The following SSX2IP variants were observed in gnomAD, a reference collection of about 807,000 sequenced individuals.
SSX2IP encodes the protein afadin- and alpha-actinin-binding protein.
SSX2IP carries 55 observed loss-of-function variants against 84.9 expected under a neutral mutation model. That is an observed-to-expected ratio of 0.65 (90% CI 0.52 to 0.81). SSX2IP has a LOEUF of 0.81. Among genes scored for constraint, SSX2IP ranks in the 30% least tolerant of loss-of-function variants. SSX2IP has a pLI of 0.00. For synonymous variants in SSX2IP, 239 were observed against 234.7 expected, an observed-to-expected ratio of 1.02 and a Z score of -0.17; for missense variants, 664 against 705.2, an observed-to-expected ratio of 0.94 and a Z score of 0.66.
At chr1:84,665,993 A>G in intron 5 of SSX2IP, 129 bp downstream of exon 5, 1 of 686,528 alleles carries the variant, frequency 1.5e-6, no homozygotes, top group Non-Finnish European at 2.4e-6. Context: ...AAGGTCCACC[A>G]TATCAATTTG....
Position 84,658,393 on chromosome 1 carries a change from TCA to T in SSX2IP, c.1001_1002del (p.Val334GlufsTer23), listed in dbSNP as rs1340473899. ...CTGATGCTGTTTGTAAGCTGCTCTCTCACAGTTTCACAGGAAAGGTCCCACAT... is the reference window on the plus strand; with the variant it reads ...CTGATGCTGTTTGTAAGCTGCTCTCTCAGTTTCACAGGAAAGGTCCCACAT... ...ESMWDLSCET[V>X]REQLTNSIRK... On this transcript the variant is annotated frameshift_variant, in exon 9 of 14. Transcript: ENST00000342203. LOFTEE classifies it high-confidence loss of function. 7 of 1,614,044 alleles carry T rather than the reference TCA, an allele frequency of 4.3e-6. No homozygotes were observed. The highest frequency in any genetic ancestry group is 3.3e-5 in the Admixed American group (2 of 60,006).
At position 84,665,408 on chromosome 1, in the gene SSX2IP, C is replaced by T. The variant is rs528632628; in HGVS notation, c.537+714G>A. ...CAGGGCGCTTTAAAGAAATACACTC[C>T]TCAGAAGTCTTTAATTGTAGTTAAA... On this transcript the variant is annotated intron_variant, in intron 5 of 13. Transcript: ENST00000342203. Among the ~76,000 whole-genome samples, 12 of 152,176 alleles carry T rather than the reference C, an allele frequency of 7.9e-5. No homozygotes were observed. The South Asian group carries it at 2.3e-3, about 29-fold the overall frequency.
In SSX2IP at chr1:84,662,215, C is replaced by T; in HGVS notation, c.910G>A (p.Asp304Asn). 6.3e-7 allele frequency: 1 copy of T among 1,594,992 alleles called. No homozygotes were observed. Among genetic ancestry groups the T allele is most frequent in the Non-Finnish European group, 8.5e-7 (1 of 1,173,140 alleles). ...PQKKKPRERV[D>N]DSTGTVISDV... is the part of the protein sequence containing the mutation. ...CCACTTACAGTTCCTGTACTATCAT[C>T]TACTCTTTCTCTAGGTTTCTTCTTT... The change falls in exon 8 of 14, where the codon GAT (aspartate) becomes AAT (asparagine). Residue 304 changes from aspartate (D) to asparagine (N), a missense_variant. By Grantham distance (23) the Asp-to-Asn change is conservative. Transcript: ENST00000342203.
chr1:84,664,377 G>A lies in SSX2IP; in HGVS notation c.673+40C>T, dbSNP rs747577203. The A allele has an allele frequency of 1.9e-5, 29 of 1,527,868 alleles. 3 individuals carry two copies. The South Asian group carries it at 3.7e-4, about 20-fold the overall frequency. 94.6% of individuals were successfully genotyped at this position (1,527,868 alleles called of 1,614,324 possible). On this transcript the variant is annotated intron_variant, in intron 6 of 13. Coordinates refer to ENST00000342203, the MANE Select transcript of SSX2IP (RefSeq NM_001166293.2). ...ACAATTATTTCTAAGCATAGTATTA[G>A]CTTATTTATTCTCTTAGCTGATCTT...
chr1:84,683,774 C>G (rs1024677187), intron 1 of SSX2IP, among the ~76,000 whole-genome samples: 1 of 152,116 alleles, frequency 6.6e-6, no homozygotes, highest in African/African-American at 2.4e-5. Context: ...GGGCTTTCAA[C>G]GTAATCTTGA....
chr1:84,652,908 T>A (rs1190536255), intron 11 of SSX2IP, among the ~76,000 whole-genome samples: 4 of 151,742 alleles, frequency 2.6e-5, no homozygotes, highest in African/African-American at 9.7e-5. Flanking sequence ...GGCGGGTGCC[T>A]GTAGTCCCAG....
chr1:84,656,377 T>C lies in SSX2IP; in HGVS notation c.1186A>G (p.Met396Val). The part of the protein sequence containing the change: ...LELEIQQCKE[M>V]IKTQQQLLQQ... ...AAAAGCTGTTGCTGAGTTTTAATCATTTCTTTACACTGCTGAATTTCTAAC... is the reference window on the plus strand; with the variant it reads ...AAAAGCTGTTGCTGAGTTTTAATCACTTCTTTACACTGCTGAATTTCTAAC... Residue 396 changes from methionine to valine, a missense_variant, in exon 10 of 14, where the codon ATG becomes GTG. Coordinates refer to ENST00000342203, the MANE Select transcript of SSX2IP (RefSeq NM_001166293.2). 6.2e-7 allele frequency: 1 copy of C among 1,612,810 alleles called. No individual in the cohort carries two copies. The highest frequency in any genetic ancestry group is 8.5e-7 in the Non-Finnish European group (1 of 1,179,628).
chr1:84,644,668 C>A lies in SSX2IP; in HGVS notation c.*2765G>T, dbSNP rs1649269125. 6.6e-6 allele frequency: 1 copy of A among 152,206 alleles called. No individual in the cohort carries two copies. The highest frequency in any genetic ancestry group is 6.5e-5 in the Admixed American group (1 of 15,284). The allele number at this position is 152,206 out of a possible 1,614,324, so 9.4% of individuals were successfully genotyped here. On this transcript the variant is annotated 3_prime_UTR_variant, in exon 14 of 14. Coordinates refer to ENST00000342203, the MANE Select transcript of SSX2IP (RefSeq NM_001166293.2). ...TCTCTCCTGGAGTCCCAAGGGCTTT[C>A]AAATGTTCCACCAGGGGCAGTCAAG... is the stretch of plus-strand genomic sequence containing the variant.
chr1:84,662,037 AG>A (rs1215628356), intron 8 of SSX2IP, among the ~76,000 whole-genome samples, 160 bp downstream of exon 8: 3 of 152,202 alleles, frequency 2.0e-5, no homozygotes, highest in Non-Finnish European at 4.4e-5. Context: ...GAAAACACAT[AG>A]GAACAGTCTT....
chr1:84,687,526 C>G (rs1001055843), intron 1 of SSX2IP, among the ~76,000 whole-genome samples: 1 of 152,086 alleles, frequency 6.6e-6, no homozygotes, highest in Non-Finnish European at 1.5e-5. Context: ...CCTATTCTTC[C>G]AGTCTTCAAA....
chr1:84,681,779 T>G (rs1655110641), intron 1 of SSX2IP, among the ~76,000 whole-genome samples: 1 of 152,186 alleles, frequency 6.6e-6, no homozygotes, highest in South Asian at 2.1e-4. Flanking sequence ...TAGCACCTGT[T>G]CCACATATGT....
At chr1:84,649,448 T>G (rs2102143165) in intron 13 of SSX2IP, among the ~76,000 whole-genome samples, 1 of 152,310 alleles carries the variant, frequency 6.6e-6, no homozygotes, top group African/African-American at 2.4e-5. Flanking sequence ...CAACTACAAC[T>G]TATAGTGTGT....
chr1:84,665,924 T>C (rs986199659), intron 5 of SSX2IP, among the ~76,000 whole-genome samples, 198 bp downstream of exon 5: 1 of 152,122 alleles, frequency 6.6e-6, no homozygotes, highest in Non-Finnish European at 1.5e-5. Flanking sequence ...ATGGATCCAC[T>C]GGGGGCGGGG....
intron 1 of SSX2IP, among the ~76,000 whole-genome samples, chr1:84,673,523 A>G (rs971181038): frequency 3.9e-5 from 6 of 152,224 alleles, no homozygotes; most frequent in South Asian, 2.1e-4. Flanking sequence ...GTAGGAAAGT[A>G]GCATGTTCTC....
chr1:84,657,052 C>T (rs562005752), intron 9 of SSX2IP, among the ~76,000 whole-genome samples: 7 of 152,254 alleles, frequency 4.6e-5, no homozygotes, highest in Non-Finnish European at 8.8e-5. Context: ...AATAATTTTG[C>T]TGATTGCTCT....
chr1:84,662,581 C>T, intron 6 of SSX2IP, 51 bp from the exon 7 acceptor site: 1 of 1,584,330 alleles, frequency 6.3e-7, no homozygotes, highest in Non-Finnish European at 8.6e-7. Context: ...GCTTAAGCAT[C>T]TAAAACTCTA....
intron 11 of SSX2IP, among the ~76,000 whole-genome samples, chr1:84,654,848 G>T (rs1650843375): frequency 6.6e-6 from 1 of 152,080 alleles, no homozygotes; most frequent in South Asian, 2.1e-4. Context: ...CTATGAATGT[G>T]ATAACAATGA....
chr1:84,678,934 A>G (rs544483258), intron 1 of SSX2IP, among the ~76,000 whole-genome samples: 3 of 152,344 alleles, frequency 2.0e-5, no homozygotes, highest in South Asian at 4.1e-4. Flanking sequence ...ATAGCTTTCC[A>G]TTATAGAGGG....
intron 5 of SSX2IP, 57 bp downstream of exon 5, chr1:84,666,065 T>C: frequency 7.6e-7 from 1 of 1,316,938 alleles, no homozygotes; most frequent in Non-Finnish European, 1.1e-6. Flanking sequence ...GGTCATCTCA[T>C]ATTACAAAGA....
Sources: gnomAD v4.1 joint callset for allele counts (sites outside exome capture counted in the v4.1 genomes callset) on GRCh38, gnomAD v4.1.1 for gene constraint, MANE v1.5 for transcripts, NCBI Gene and HGNC (gene_info 2026-07-23, HGNC 2026-07-21) for gene names.